Variants in PCDHGC3 observed in about 807,000 individuals in gnomAD.
The protein encoded by PCDHGC3 is protocadherin gamma-C3.
Under a neutral mutation model 59.2 loss-of-function variants are expected in PCDHGC3, and 26 were observed. The ratio of observed to expected loss-of-function variants is 0.44; its 90% confidence interval spans 0.32 to 0.61. The LOEUF (loss-of-function observed/expected upper bound fraction) is 0.61. Ranked by LOEUF, PCDHGC3 falls within the 20% of genes least tolerant of loss-of-function variation. The pLI is 0.05. For synonymous variants in PCDHGC3, 487 were observed against 519.7 expected, an observed-to-expected ratio of 0.94 and a Z score of 0.86; for missense variants, 1,080 against 1,221.8, an observed-to-expected ratio of 0.88 and a Z score of 1.73.
At position 141,512,047 on chromosome 5, in the gene PCDHGC3, C is replaced by T. The variant is rs1183612907; in HGVS notation, c.*874C>T. 1 of 152,722 alleles carries T rather than the reference C, an allele frequency of 6.5e-6. No individual in the cohort carries two copies. The highest frequency in any genetic ancestry group is 1.5e-5 in the Non-Finnish European group (1 of 68,120). The allele number at this position is 152,722 out of a possible 1,614,324, so 9.5% of individuals were successfully genotyped here. A position where few individuals can be genotyped will look rare whatever the true frequency, so the allele number is the denominator to read the frequency against. On this transcript the variant is annotated 3_prime_UTR_variant, in exon 4 of 4. Coordinates refer to ENST00000308177, the MANE Select transcript of PCDHGC3 (RefSeq NM_002588.4). The stretch of plus-strand genomic sequence containing the variant: ...CCTTGGAGGAGGCTCTGTATGTCCT[C>T]AGGGGACTGACAACATCCTCCAGAT...
At chr5:141,497,223 T>C (rs921763195) in intron 2 of PCDHGC3, among the ~76,000 whole-genome samples, 1 of 151,762 alleles carries the variant, frequency 6.6e-6, no homozygotes, top group Admixed American at 6.6e-5. Context: ...GGGGGGAAGA[T>C]CAGAGAAGGC....
chr5:141,501,299 AC>A (rs1446641380), intron 2 of PCDHGC3, among the ~76,000 whole-genome samples: 1 of 149,208 alleles, frequency 6.7e-6, no homozygotes, highest in African/African-American at 2.5e-5. Flanking sequence ...ATACACACAC[AC>A]ACACACACAC....
In PCDHGC3 at chr5:141,511,223, A is replaced by G. The variant is rs1193308928; in HGVS notation, c.*50A>G. On this transcript the variant is annotated 3_prime_UTR_variant, in exon 4 of 4. Transcript: ENST00000308177. ...AGGGCGGCCTCTCCCCAACCAGCCC[A>G]GCTTCTCCTTACCTGCACCCAGGCC... 1 of 1,604,390 alleles carries G rather than the reference A, an allele frequency of 6.2e-7. No individual in the cohort carries two copies.
intron 2 of PCDHGC3, among the ~76,000 whole-genome samples, chr5:141,499,772 C>T (rs1217675128): frequency 1.0e-4 from 15 of 147,946 alleles, no homozygotes; most frequent in Admixed American, 9.0e-4. Context: ...CTGCAGCCTT[C>T]GCCTCCCGGG....
At position 141,487,653 on chromosome 5, in the gene PCDHGC3, A is replaced by C. The variant is rs1033173132; in HGVS notation, c.2431-7154A>C. The C allele has an allele frequency of 3.1e-6, 5 of 1,613,794 alleles. No individual in the cohort carries two copies. Among genetic ancestry groups the C allele is most frequent in the Non-Finnish European group, 4.2e-6 (5 of 1,179,926 alleles). ...CAGGCTCAACAAATGCTTGAGGGTT[A>C]TTCTGATCCAGGCATATGGCTAGGC... On this transcript the variant is annotated intron_variant, in intron 1 of 3. Transcript: ENST00000308177. This position sits in a 1 kb window ranked among gnomAD's most constrained non-coding sequence, Gnocchi z 5.0.
In PCDHGC3 at chr5:141,485,179, C is replaced by G. The variant is rs1405000217; in HGVS notation, c.2430+6633C>G. The G allele has an allele frequency of 1.2e-6, 2 of 1,612,648 alleles. No homozygotes were observed. Among genetic ancestry groups the G allele is most frequent in the African/African-American group, 2.7e-5 (2 of 74,924 alleles). ...AGAATTAGCGGGCGGCAGCAATGCT[C>G]CGCAAGGTGAGAAGCTGGACAGAAA... is the stretch of plus-strand genomic sequence containing the variant. On this transcript the variant is annotated intron_variant, in intron 1 of 3. Transcript: ENST00000308177. This position sits in a 1 kb window ranked among gnomAD's most constrained non-coding sequence, Gnocchi z 5.7.
In PCDHGC3 at chr5:141,478,521, G is replaced by A; in HGVS notation, c.2405G>A (p.Gly802Asp). ...CDPVFYRQVL[G>D]AESAPPGQQA... ...CCGGTGTTCTATAGGCAGGTGTTGG[G>A]TGCAGAGAGCGCCCCTCCCGGACAG... Residue 802 changes from glycine (G) to aspartate (D), a missense_variant, in exon 1 of 4, where the codon GGT (glycine) becomes GAT (aspartate). Transcript: ENST00000308177. 6.2e-7 allele frequency: 1 copy of A among 1,610,618 alleles called. No individual in the cohort carries two copies. Among genetic ancestry groups the A allele is most frequent in the Non-Finnish European group, 8.5e-7 (1 of 1,178,358 alleles).
chr5:141,485,260 G>C lies in PCDHGC3; in HGVS notation c.2430+6714G>C. ...TTTACCACCTGGGTTACGTTTGTGG[G>C]CAGATCCGCTACCCGGTCCCAGAGG... is the stretch of plus-strand genomic sequence containing the variant. On this transcript the variant is annotated intron_variant, in intron 1 of 3. Transcript: ENST00000308177. The surrounding 1 kb of genome is among the most constrained non-coding windows in gnomAD (Gnocchi z 5.7). 1 of 1,614,122 alleles carries C rather than the reference G, an allele frequency of 6.2e-7. No homozygotes were observed. The highest frequency in any genetic ancestry group is 8.5e-7 in the Non-Finnish European group (1 of 1,179,966).
chr5:141,477,532 C>A lies in PCDHGC3; in HGVS notation c.1416C>A (p.Pro472=). 6.2e-7 allele frequency: 1 copy of A among 1,614,146 alleles called. No individual in the cohort carries two copies. The highest frequency in any genetic ancestry group is 8.5e-7 in the Non-Finnish European group (1 of 1,180,028). ...TTTACATTGAAGAAAACAACCTCCC[C>A]GGGGCTCCAATACTAAACCTAAGTG... ...YDVYIEENNL[P]GAPILNLSVW... is the part of the protein sequence containing the mutation. The change falls in exon 1 of 4, where the codon CCC becomes CCA. Residue 472 remains proline (P), a synonymous_variant. Coordinates refer to ENST00000308177, the MANE Select transcript of PCDHGC3 (RefSeq NM_002588.4). The surrounding 1 kb of genome is among the most constrained non-coding windows in gnomAD (Gnocchi z 4.9).
At chr5:141,488,519 G>C (rs1210943979) in intron 1 of PCDHGC3, among the ~76,000 whole-genome samples, 1 of 152,184 alleles carries the variant, frequency 6.6e-6, no homozygotes, top group Non-Finnish European at 1.5e-5. Flanking sequence ...GGGGTCTGGG[G>C]TGTCAGAAAA....
chr5:141,489,084 C>A lies in PCDHGC3; in HGVS notation c.2431-5723C>A. On this transcript the variant is annotated intron_variant, in intron 1 of 3. Coordinates refer to ENST00000308177, the MANE Select transcript of PCDHGC3 (RefSeq NM_002588.4). The surrounding 1 kb of genome is among the most constrained non-coding windows in gnomAD (Gnocchi z 4.5). Reference sequence around the variant, plus strand: ...CTCCCCCCTGCCCACCCCCGCCACTCGGTGACTAAGAACTGCTGCAAGCAG... The same window carrying A: ...CTCCCCCCTGCCCACCCCCGCCACTAGGTGACTAAGAACTGCTGCAAGCAG... The A allele has an allele frequency of 9.1e-6, 3 of 329,124 alleles. No homozygotes were observed. The highest frequency in any genetic ancestry group is 1.1e-5 in the Non-Finnish European group (2 of 186,464). The allele number at this position is 329,124 out of a possible 1,614,324, so 20.4% of individuals were successfully genotyped here. A position where few individuals can be genotyped will look rare whatever the true frequency, so the allele number is the denominator to read the frequency against.
intron 3 of PCDHGC3, among the ~76,000 whole-genome samples, chr5:141,508,579 G>A (rs569867127): frequency 6.6e-6 from 1 of 152,234 alleles, no homozygotes; most frequent in East Asian, 1.9e-4. Flanking sequence ...ACCCACTCGG[G>A]GTGCTACTCA....
chr5:141,498,531 G>A (rs1384404653), intron 2 of PCDHGC3, among the ~76,000 whole-genome samples: 3 of 148,544 alleles, frequency 2.0e-5, no homozygotes, highest in Non-Finnish European at 4.4e-5. Context: ...CTGCCCTCCA[G>A]CCTGGTCTGG....
intron 2 of PCDHGC3, among the ~76,000 whole-genome samples, chr5:141,505,177 A>T (rs917485235): frequency 6.6e-6 from 1 of 152,180 alleles, no homozygotes. Context: ...AAAAGAAAAA[A>T]GCATCGGAGG....
At chr5:141,480,652 A>C (rs1488188393) in intron 1 of PCDHGC3, among the ~76,000 whole-genome samples, 4 of 152,220 alleles carry the variant, frequency 2.6e-5, no homozygotes, top group Non-Finnish European at 5.9e-5. Context: ...TTGGTTGCAC[A>C]TTAAAATCAC....
Position 141,489,089 on chromosome 5 carries a change from A to T in PCDHGC3, c.2431-5718A>T, listed in dbSNP as rs1214993065. The T allele has an allele frequency of 7.4e-5, 21 of 284,398 alleles. No homozygotes were observed. Among genetic ancestry groups the T allele is most frequent in the East Asian group, 1.1e-4 (2 of 17,560 alleles). The allele number at this position is 284,398 out of a possible 1,614,324, so 17.6% of individuals were successfully genotyped here. On this transcript the variant is annotated intron_variant, in intron 1 of 3. Coordinates refer to ENST00000308177, the MANE Select transcript of PCDHGC3 (RefSeq NM_002588.4). This position sits in a 1 kb window ranked among gnomAD's most constrained non-coding sequence, Gnocchi z 4.5. ...CCCTGCCCACCCCCGCCACTCGGTGACTAAGAACTGCTGCAAGCAGGCAAA... is the reference window on the plus strand; with the variant it reads ...CCCTGCCCACCCCCGCCACTCGGTGTCTAAGAACTGCTGCAAGCAGGCAAA...
At position 141,502,665 on chromosome 5, in the gene PCDHGC3, A is replaced by G. The variant is rs192555506; in HGVS notation, c.2490-2728A>G. The stretch of plus-strand genomic sequence containing the variant: ...GAGATAGGCAGCAACCCTTCATGCA[A>G]TTTTAGTATTCCCTGATGATCCTTG... On this transcript the variant is annotated intron_variant, in intron 2 of 3. Transcript: ENST00000308177. 3.7e-3 allele frequency among the ~76,000 whole-genome samples: 568 copies of G among 152,330 alleles called. 1 individual carries two copies. Among genetic ancestry groups the G allele is most frequent in the African/African-American group, 0.013 (544 of 41,584 alleles).
chr5:141,489,288 G>A lies in PCDHGC3; in HGVS notation c.2431-5519G>A. 6.3e-7 allele frequency: 1 copy of A among 1,575,870 alleles called. No homozygotes were observed. Among genetic ancestry groups the A allele is most frequent in the Non-Finnish European group, 8.6e-7 (1 of 1,161,152 alleles). On this transcript the variant is annotated intron_variant, in intron 1 of 3. Coordinates refer to ENST00000308177, the MANE Select transcript of PCDHGC3 (RefSeq NM_002588.4). The surrounding 1 kb of genome is among the most constrained non-coding windows in gnomAD (Gnocchi z 4.5). ...AGCTCGCTGGGAAATGGCAAGTGCT[G>A]TGCATGTTGTCCTTGTGCTGCTGGG...
Position 141,485,548 on chromosome 5 carries a change from T to C in PCDHGC3, c.2430+7002T>C, listed in dbSNP as rs749739126. ...ACCGAGCAGAGGTAGAGATCGTAGA[T>C]GTGAATGATCACGCCCCCCGTTTTC... On this transcript the variant is annotated intron_variant, in intron 1 of 3. Transcript: ENST00000308177. This position sits in a 1 kb window ranked among gnomAD's most constrained non-coding sequence, Gnocchi z 5.7. The C allele has an allele frequency of 3.1e-6, 5 of 1,614,040 alleles. No homozygotes were observed. The highest frequency in any genetic ancestry group is 3.4e-6 in the Non-Finnish European group (4 of 1,179,942).
Sources: allele counts gnomAD v4.1 joint callset (sites outside exome capture counted in the v4.1 genomes callset), GRCh38; gene constraint gnomAD v4.1.1; non-coding constraint Gnocchi (gnomAD v3.1); transcripts MANE v1.5; gene names NCBI Gene and HGNC (gene_info 2026-07-23, HGNC 2026-07-21).